MAD1L1: variants seen among roughly 807,000 people sequenced by gnomAD.
The protein encoded by MAD1L1 is mitotic spindle assembly checkpoint protein MAD1.
A neutral mutation model predicts 96.9 loss-of-function variants in MAD1L1; 95 were observed. That is an observed-to-expected ratio of 0.98 (90% CI 0.83 to 1.16). The LOEUF (loss-of-function observed/expected upper bound fraction) is 1.16, where lower values mean the gene tolerates loss of function less well. Ranked by LOEUF, MAD1L1 falls within the 50% of genes most tolerant of loss-of-function variation. The probability of loss-of-function intolerance (pLI) is 0.00; values close to 1 mark genes in which losing one functional copy is unlikely to be tolerated. For synonymous variants in MAD1L1, 473 were observed against 396.6 expected, an observed-to-expected ratio of 1.19 and a Z score of -2.29; for missense variants, 1,007 against 954.4, an observed-to-expected ratio of 1.06 and a Z score of -0.73.
In MAD1L1 at chr7:2,232,898, C is replaced by G. The variant is rs1794290581; in HGVS notation, c.-216G>C. 6.6e-6 allele frequency: 1 copy of G among 152,294 alleles called. No homozygotes were observed. Among genetic ancestry groups the G allele is most frequent in the Non-Finnish European group, 1.5e-5 (1 of 68,086 alleles). The allele number at this position is 152,294 out of a possible 1,614,324, so 9.4% of individuals were successfully genotyped here. On this transcript the variant is annotated 5_prime_UTR_variant, in exon 1 of 19. Coordinates refer to ENST00000265854, the MANE Select transcript of MAD1L1 (RefSeq NM_001013836.2). ...TCAGCCGCTCGCAGCCAGCTTGCCG[C>G]CGCCGCTCGGATCTCCCTCCGCTCC...
intron 17 of MAD1L1, among the ~76,000 whole-genome samples, chr7:1,934,849 G>T (rs375269123): frequency 6.6e-6 from 1 of 150,630 alleles, no homozygotes; most frequent in African/African-American, 2.5e-5. Flanking sequence ...GACAGGCAGA[G>T]ACCCAGACAA....
chr7:1,955,985 T>A (rs1036387793), intron 16 of MAD1L1, among the ~76,000 whole-genome samples: 3 of 1,284 alleles, frequency 2.3e-3, no homozygotes, highest in African/African-American at 7.7e-3. Context: ...GTAAGGTGGG[T>A]GGGGGGGTGG....
At chr7:2,049,665 G>A (rs1242224644) in intron 12 of MAD1L1, among the ~76,000 whole-genome samples, 1 of 152,192 alleles carries the variant, frequency 6.6e-6, no homozygotes, top group Non-Finnish European at 1.5e-5. Context: ...CCACCCAAGG[G>A]GCACTGGGCA....
At chr7:1,977,087 C>A (rs1780677658) in intron 15 of MAD1L1, among the ~76,000 whole-genome samples, 1 of 152,266 alleles carries the variant, frequency 6.6e-6, no homozygotes, top group Non-Finnish European at 1.5e-5. Flanking sequence ...GGCAGAGCTG[C>A]CTGCCAGTCC....
At position 2,037,186 on chromosome 7, in the gene MAD1L1, T is replaced by C. The variant is rs117827230; in HGVS notation, c.1219-22544A>G. On this transcript the variant is annotated intron_variant, in intron 12 of 18. Transcript: ENST00000265854. ...CCACGTGGAAATTTCGGCTCCTTCT[T>C]TGTCTTCTTAATAGACTCTTCTTTT... is the stretch of plus-strand genomic sequence containing the variant. Among the ~76,000 whole-genome samples the C allele has an allele frequency of 1.3e-3, 199 of 150,482 alleles. No individual in the cohort carries two copies. The East Asian group carries it at 0.014, about 11-fold the overall frequency.
chr7:1,897,917 G>A (rs935301450), intron 18 of MAD1L1, among the ~76,000 whole-genome samples: 9 of 152,350 alleles, frequency 5.9e-5, no homozygotes, highest in East Asian at 1.9e-4. Flanking sequence ...CTCATGGAAC[G>A]AAGCCCAAGT....
chr7:2,169,778 G>A (rs906211792), intron 10 of MAD1L1, among the ~76,000 whole-genome samples: 1 of 133,006 alleles, frequency 7.5e-6, no homozygotes, highest in Non-Finnish European at 1.6e-5. Flanking sequence ...GGGGCACTCG[G>A]AGCAGGGGCT....
intron 5 of MAD1L1, among the ~76,000 whole-genome samples, chr7:2,221,226 A>G (rs984834744): frequency 2.0e-5 from 3 of 148,234 alleles, no homozygotes. Context: ...GCTCGGCACG[A>G]CTCACCCTCC....
At chr7:1,849,664 G>A (rs73046339) in intron 18 of MAD1L1, 26,102 of 152,168 alleles carry the variant, frequency 0.17, 2,651 homozygotes, top group South Asian at 0.29. Context: ...ACTTCAAGAC[G>A]GCTCCCTGCT....
chr7:1,918,923 G>C (rs1427944999), intron 17 of MAD1L1, among the ~76,000 whole-genome samples: 1 of 151,950 alleles, frequency 6.6e-6, no homozygotes, highest in Admixed American at 6.5e-5. Context: ...CACAGGGTGA[G>C]AGCACGTGGC....
intron 14 of MAD1L1, among the ~76,000 whole-genome samples, chr7:1,994,213 G>A (rs762729943): frequency 2.6e-5 from 4 of 152,322 alleles, no homozygotes; most frequent in Middle Eastern, 6.8e-3. Context: ...GGCTTTGCAC[G>A]TGCCACCGCC....
At chr7:1,975,279 C>A (rs1446149424) in intron 15 of MAD1L1, among the ~76,000 whole-genome samples, 1 of 152,248 alleles carries the variant, frequency 6.6e-6, no homozygotes, top group Non-Finnish European at 1.5e-5. Flanking sequence ...CGGGGCCACG[C>A]CTTCCCACCT....
intron 12 of MAD1L1, among the ~76,000 whole-genome samples, chr7:2,065,041 G>A (rs1182655340): frequency 6.6e-6 from 1 of 152,216 alleles, no homozygotes; most frequent in Non-Finnish European, 1.5e-5. Flanking sequence ...TGGGAGAGCA[G>A]AGGCTTCTTT....
chr7:2,127,492 C>T (rs1788286930), intron 11 of MAD1L1, among the ~76,000 whole-genome samples: 1 of 152,182 alleles, frequency 6.6e-6, no homozygotes, highest in Admixed American at 6.5e-5. Flanking sequence ...AGCAGCTGCA[C>T]ACGGGGGAGC....
chr7:2,122,970 G>A (rs1054344515), intron 11 of MAD1L1, among the ~76,000 whole-genome samples: 1 of 152,156 alleles, frequency 6.6e-6, no homozygotes, highest in Non-Finnish European at 1.5e-5. Flanking sequence ...CAAGGCGACC[G>A]GTACCTCACC....
At chr7:2,112,258 C>A (rs1056053563) in intron 11 of MAD1L1, among the ~76,000 whole-genome samples, 3 of 152,064 alleles carry the variant, frequency 2.0e-5, no homozygotes, top group Non-Finnish European at 4.4e-5. Context: ...TGTGAAAATG[C>A]GCAGCTGCAC....
chr7:1,893,181 C>T (rs1381145880), intron 18 of MAD1L1, among the ~76,000 whole-genome samples: 2 of 152,150 alleles, frequency 1.3e-5, no homozygotes, highest in Admixed American at 6.5e-5. Flanking sequence ...TGAGATTTGC[C>T]TGCCTTTCCC....
At chr7:1,854,518 G>A (rs927757805) in intron 18 of MAD1L1, 3 of 380,310 alleles carry the variant, frequency 7.9e-6, no homozygotes, top group Middle Eastern at 7.3e-4. Context: ...TGTCACACGG[G>A]GGAAGGGGCG....
chr7:1,945,610 C>T (rs1779193669), intron 16 of MAD1L1, among the ~76,000 whole-genome samples: 2 of 152,230 alleles, frequency 1.3e-5, no homozygotes, highest in East Asian at 1.9e-4. Flanking sequence ...AGGGTGAGGG[C>T]AGCGGCCATC....
Sources: allele counts gnomAD v4.1 joint callset (sites outside exome capture counted in the v4.1 genomes callset), GRCh38; gene constraint gnomAD v4.1.1; transcripts MANE v1.5; gene names NCBI Gene and HGNC (gene_info 2026-07-23, HGNC 2026-07-21).